Variants in FIG4 observed in about 807,000 individuals in gnomAD.
The protein encoded by FIG4 is FIG4 phosphoinositide 5-phosphatase, also known as polyphosphoinositide phosphatase.
In FIG4, 112 loss-of-function variants were observed where a neutral mutation model predicts 118.6. The ratio of observed to expected loss-of-function variants is 0.94; its 90% CI spans 0.81 to 1.11. The LOEUF (loss-of-function observed/expected upper bound fraction) is 1.11. Ranked by LOEUF, FIG4 falls within the 50% of genes least tolerant of loss-of-function variation. The pLI, the probability that FIG4 is intolerant of heterozygous loss-of-function variation, is 0.00. For missense variants in FIG4, 969 were observed against 1,111.7 expected, an observed-to-expected ratio of 0.87 and a Z score of 1.83; for synonymous variants, 369 against 381.2, an observed-to-expected ratio of 0.97 and a Z score of 0.37.
chr6:109,719,255 A>G (rs1421269109), intron 3 of FIG4, among the ~76,000 whole-genome samples: 1 of 152,158 alleles, frequency 6.6e-6, no homozygotes, highest in Admixed American at 6.5e-5. Context: ...ATGTGTATAT[A>G]CTATTGAATG....
At chr6:109,725,555 C>T (rs557420480) in intron 3 of FIG4, among the ~76,000 whole-genome samples, 1 of 152,288 alleles carries the variant, frequency 6.6e-6, no homozygotes, top group East Asian at 1.9e-4. Flanking sequence ...AATGATGCTG[C>T]AGTAAACATA....
At chr6:109,748,402 AG>A (rs1341659020) in intron 10 of FIG4, among the ~76,000 whole-genome samples, 15 of 152,178 alleles carry the variant, frequency 9.9e-5, no homozygotes, top group Admixed American at 8.5e-4. Flanking sequence ...CTTAAAGAAC[AG>A]GGCTGCTGGA....
At chr6:109,700,427 A>G (rs1200561749) in intron 1 of FIG4, among the ~76,000 whole-genome samples, 3 of 152,224 alleles carry the variant, frequency 2.0e-5, no homozygotes, top group Non-Finnish European at 4.4e-5. Flanking sequence ...AGAAGTTTGA[A>G]TATGAAAAAA....
intron 7 of FIG4, 23 bp from the exon 8 acceptor site, chr6:109,741,421 A>G (rs755957712): frequency 6.8e-7 from 1 of 1,478,566 alleles, no homozygotes; most frequent in South Asian, 1.1e-5. Context: ...TGAATGCTAA[A>G]CAACCTTAAC....
intron 2 of FIG4, among the ~76,000 whole-genome samples, 176 bp from the exon 3 acceptor site, chr6:109,716,269 G>A (rs1279385350): frequency 6.6e-6 from 1 of 152,074 alleles, no homozygotes; most frequent in Non-Finnish European, 1.5e-5. Context: ...AACCTTAATT[G>A]CTAATGTTAA....
At chr6:109,765,235 A>G (rs1421921841) in intron 14 of FIG4, 74 bp downstream of exon 14, 2 of 1,263,090 alleles carry the variant, frequency 1.6e-6, no homozygotes, top group East Asian at 2.3e-5. Context: ...AGATTTTTTT[A>G]TGAAAGCGTT....
At chr6:109,710,539 C>A (rs1470406392) in intron 1 of FIG4, among the ~76,000 whole-genome samples, 1 of 152,106 alleles carries the variant, frequency 6.6e-6, no homozygotes, top group Non-Finnish European at 1.5e-5. Context: ...GGTACTAGTT[C>A]TTCTTTGTAC....
rs536711941 is a variant in FIG4, at chr6:109,737,066, G to A, written c.647-1259G>A. Among the ~76,000 whole-genome samples, 6 of 152,240 alleles carry A rather than the reference G, an allele frequency of 3.9e-5. No individual in the cohort carries two copies. In the South Asian group the frequency reaches 1.0e-3, roughly 26 times the overall value. On this transcript the variant is annotated intron_variant, in intron 6 of 22. Transcript: ENST00000230124. ...AATAATTTTCCCATCTCAAGGTCCT[G>A]ATTAGGAACCTTAACTTCATCTGCA... is the stretch of plus-strand genomic sequence containing the variant.
At position 109,704,136 on chromosome 6, in the gene FIG4, G is replaced by A. The variant is rs116430427; in HGVS notation, c.67-10942G>A. ...AACCTGTTTCTTCTCCAGTCATCTCGACATCAGTAAGTGGCACCATCATCT... is the reference window on the plus strand; with the variant it reads ...AACCTGTTTCTTCTCCAGTCATCTCAACATCAGTAAGTGGCACCATCATCT... On this transcript the variant is annotated intron_variant, in intron 1 of 22. Coordinates refer to ENST00000230124, the MANE Select transcript of FIG4 (RefSeq NM_014845.6). Among the ~76,000 whole-genome samples the A allele has an allele frequency of 4.0e-3, 610 of 152,238 alleles. 7 individuals are homozygous for A. Among genetic ancestry groups the A allele is most frequent in the African/African-American group, 0.014 (583 of 41,546 alleles).
At chr6:109,822,566 C>A (rs1216646791) in intron 22 of FIG4, among the ~76,000 whole-genome samples, 1 of 151,700 alleles carries the variant, frequency 6.6e-6, no homozygotes, top group Non-Finnish European at 1.5e-5. Flanking sequence ...AAAAAACAGT[C>A]ACATTTTAAG....
chr6:109,791,580 G>C lies in FIG4; in HGVS notation c.2376+9G>C. 6.2e-7 allele frequency: 1 copy of C among 1,613,312 alleles called. No individual in the cohort carries two copies. The highest frequency in any genetic ancestry group is 1.1e-5 in the South Asian group (1 of 91,060). Reference sequence around the variant, plus strand: ...GTGCCAAAGTGACCGAGGTGCGGGGGAGGGAAGCCTGTGGCATCCAGCCTG... The same window carrying C: ...GTGCCAAAGTGACCGAGGTGCGGGGCAGGGAAGCCTGTGGCATCCAGCCTG... On this transcript the variant is annotated intron_variant, in intron 20 of 22. Transcript: ENST00000230124.
At chr6:109,783,431 G>A (rs768608188) in intron 16 of FIG4, among the ~76,000 whole-genome samples, 8 of 152,048 alleles carry the variant, frequency 5.3e-5, no homozygotes, top group Admixed American at 1.3e-4. Flanking sequence ...ACGCTCTAGC[G>A]CCTCCTTCTG....
At chr6:109,823,354 A>G (rs1488216042) in intron 22 of FIG4, among the ~76,000 whole-genome samples, 3 of 152,144 alleles carry the variant, frequency 2.0e-5, no homozygotes, top group African/African-American at 7.2e-5. Context: ...TGATCCTTTG[A>G]AGGGCCTCAT....
At chr6:109,779,610 A>G (rs1436123126) in intron 16 of FIG4, among the ~76,000 whole-genome samples, 1 of 152,186 alleles carries the variant, frequency 6.6e-6, no homozygotes, top group African/African-American at 2.4e-5. Context: ...AAAATTCTGA[A>G]AACTATTTTT....
At chr6:109,693,292 C>G (rs1398211846) in intron 1 of FIG4, among the ~76,000 whole-genome samples, 2 of 152,160 alleles carry the variant, frequency 1.3e-5, no homozygotes, top group Admixed American at 1.3e-4. Context: ...GCTTTCAGTT[C>G]CCTATATCTG....
intron 15 of FIG4, among the ~76,000 whole-genome samples, chr6:109,770,004 T>A (rs946061758): frequency 2.0e-5 from 3 of 152,212 alleles, no homozygotes; most frequent in Non-Finnish European, 4.4e-5. Flanking sequence ...GGACTGATGC[T>A]ATGGGGTCAA....
chr6:109,732,604 CAAATG>C, intron 4 of FIG4, 28 bp from the exon 5 acceptor site: 1 of 1,068,608 alleles, frequency 9.4e-7, no homozygotes, highest in Non-Finnish European at 1.4e-6. Flanking sequence ...TAGTATTGGA[CAAATG>C]AAATGTACTT....
At chr6:109,819,634 A>C (rs552809122) in intron 22 of FIG4, among the ~76,000 whole-genome samples, 4 of 151,924 alleles carry the variant, frequency 2.6e-5, no homozygotes, top group Non-Finnish European at 4.4e-5. Context: ...ACGAGCTGCT[A>C]TTTTGTGTAT....
At chr6:109,815,511 C>T (rs1276855955) in intron 22 of FIG4, among the ~76,000 whole-genome samples, 5 of 134,908 alleles carry the variant, frequency 3.7e-5, no homozygotes, top group African/African-American at 8.2e-5. Flanking sequence ...CCCACCCCCC[C>T]GTTAATGAGA....
Sources: gnomAD v4.1 joint callset for allele counts (sites outside exome capture counted in the v4.1 genomes callset) on GRCh38, gnomAD v4.1.1 for gene constraint, MANE v1.5 for transcripts, NCBI Gene and HGNC (gene_info 2026-07-23, HGNC 2026-07-21) for gene names.